CCNJL: variants seen among roughly 807,000 people sequenced by gnomAD.
The protein encoded by CCNJL is cyclin-J-like protein.
CCNJL carries 33 observed loss-of-function variants against 33.4 expected under a neutral mutation model. The ratio of observed to expected loss-of-function variants is 0.99; its 90% CI spans 0.75 to 1.32. The LOEUF is 1.32. CCNJL is among the 40% of genes most tolerant of loss of function. The probability of loss-of-function intolerance (pLI) is 0.00; values close to 1 mark genes in which losing one functional copy is unlikely to be tolerated. For missense variants in CCNJL, 512 were observed against 499.7 expected, an observed-to-expected ratio of 1.02 and a Z score of -0.23; for synonymous variants, 227 against 220.9, an observed-to-expected ratio of 1.03 and a Z score of -0.24.
rs926515183 is a variant in CCNJL at position 160,249,786 on chromosome 5, A to G, written c.*3592T>C. 6.7e-5 allele frequency: 9 copies of G among 134,586 alleles called. No homozygotes were observed. Among genetic ancestry groups the G allele is most frequent in the Non-Finnish European group, 1.2e-4 (7 of 56,620 alleles). The allele number at this position is 134,586 out of a possible 1,614,324, so 8.3% of individuals were successfully genotyped here. ...TCAAAAAATAAATAAATAAATAAAT[A>G]AATAAATAAATAAATAAATAAAATA... is the stretch of plus-strand genomic sequence containing the variant. On this transcript the variant is annotated 3_prime_UTR_variant, in exon 6 of 6. Coordinates refer to ENST00000257536, the MANE Select transcript of CCNJL (RefSeq NM_001308173.3).
intron 3 of CCNJL, among the ~76,000 whole-genome samples, chr5:160,273,029 T>C (rs1761892082): frequency 6.6e-6 from 1 of 152,226 alleles, no homozygotes; most frequent in Non-Finnish European, 1.5e-5. Context: ...CAAGCGCTGA[T>C]GGAAAAAGAG....
At chr5:160,301,527 G>C (rs1020163861) in intron 2 of CCNJL, among the ~76,000 whole-genome samples, 2 of 151,712 alleles carry the variant, frequency 1.3e-5, no homozygotes, top group African/African-American at 4.9e-5. Flanking sequence ...TCTGCCTCGC[G>C]GGTTCAAGCG....
chr5:160,272,276 C>T (rs1418326894), intron 3 of CCNJL, among the ~76,000 whole-genome samples: 2 of 152,168 alleles, frequency 1.3e-5, no homozygotes, highest in Non-Finnish European at 2.9e-5. Flanking sequence ...GTAATCAAAG[C>T]AGGGGTGAGT....
chr5:160,282,984 TATATATATATATATATATATATATAC>T (rs1425153567), intron 2 of CCNJL, among the ~76,000 whole-genome samples: 2,162 of 58,036 alleles, frequency 0.037, 74 homozygotes, highest in East Asian at 0.16. Context: ...TATATATATA[TATATATATATATATATATATATATAC>T]ATATATATAT....
chr5:160,319,913 C>T (rs1241613922), intron 1 of CCNJL, among the ~76,000 whole-genome samples: 1 of 151,756 alleles, frequency 6.6e-6, no homozygotes, highest in Non-Finnish European at 1.5e-5. Context: ...GAGCAAGACC[C>T]TGTCTCAATA....
intron 5 of CCNJL, chr5:160,254,110 G>C (rs1394595994): frequency 2.2e-6 from 1 of 462,932 alleles, no homozygotes; most frequent in Non-Finnish European, 3.8e-6. Flanking sequence ...ACCTGCTCCA[G>C]AGGGTAACTT....
intron 2 of CCNJL, among the ~76,000 whole-genome samples, chr5:160,284,943 G>A (rs1443764534): frequency 1.3e-5 from 2 of 151,088 alleles, no homozygotes; most frequent in African/African-American, 4.9e-5. Flanking sequence ...CATGGAGCTC[G>A]GCTGGGCACG....
chr5:160,298,892 C>A (rs1312264685), intron 2 of CCNJL, among the ~76,000 whole-genome samples: 1 of 152,030 alleles, frequency 6.6e-6, no homozygotes, highest in Non-Finnish European at 1.5e-5. Flanking sequence ...CTCTGAAAAT[C>A]AATGGCATGA....
intron 1 of CCNJL, among the ~76,000 whole-genome samples, chr5:160,323,286 T>G (rs1323956730): frequency 6.6e-6 from 1 of 151,390 alleles, no homozygotes; most frequent in Non-Finnish European, 1.5e-5. Flanking sequence ...TTAGAAGCAG[T>G]GTCTCACTAT....
intron 2 of CCNJL, among the ~76,000 whole-genome samples, chr5:160,308,911 A>G (rs987905731): frequency 5.9e-5 from 9 of 152,248 alleles, no homozygotes; most frequent in African/African-American, 2.2e-4. Context: ...TGAGAAACAC[A>G]GAATCCAAAT....
chr5:160,328,519 G>C (rs2113479535), intron 1 of CCNJL, among the ~76,000 whole-genome samples: 1 of 152,024 alleles, frequency 6.6e-6, no homozygotes, highest in African/African-American at 2.4e-5. Context: ...CACTTTGGGA[G>C]GTCAAGGCAG....
upstream of CCNJL, among the ~76,000 whole-genome samples, chr5:160,316,639 G>C (rs936388843): frequency 2.0e-5 from 3 of 152,050 alleles, no homozygotes; most frequent in Non-Finnish European, 4.4e-5. Flanking sequence ...TGTTTCCTTC[G>C]GAAGTGATTT....
At chr5:160,316,441 T>C (rs1000685634), upstream of CCNJL, among the ~76,000 whole-genome samples, 1 of 152,190 alleles carries the variant, frequency 6.6e-6, no homozygotes, top group Non-Finnish European at 1.5e-5. Context: ...AAATCTGCCC[T>C]TTTCAATCTT....
chr5:160,258,157 C>T (rs977404727), intron 4 of CCNJL: 9 of 415,736 alleles, frequency 2.2e-5, no homozygotes, highest in Non-Finnish European at 4.0e-5. Flanking sequence ...AATCATTGAT[C>T]TGGATACTCA....
chr5:160,328,880 A>C (rs936621281), intron 1 of CCNJL, among the ~76,000 whole-genome samples: 18 of 121,326 alleles, frequency 1.5e-4, no homozygotes, highest in Non-Finnish European at 1.2e-4. Context: ...ACTCTGTCTC[A>C]AAAAAAAAAA....
intron 2 of CCNJL, among the ~76,000 whole-genome samples, chr5:160,297,461 G>A (rs538861489): frequency 2.3e-4 from 35 of 152,272 alleles, no homozygotes; most frequent in African/African-American, 8.4e-4. Context: ...GTCCTGGGAA[G>A]ATAGATGTCC....
chr5:160,302,965 G>GT (rs1271937817), intron 2 of CCNJL, among the ~76,000 whole-genome samples: 1 of 152,138 alleles, frequency 6.6e-6, no homozygotes, highest in Non-Finnish European at 1.5e-5. Flanking sequence ...GGGGTCAGTG[G>GT]TATCTTCTGC....
chr5:160,332,231 G>T (rs894185067), intron 1 of CCNJL, among the ~76,000 whole-genome samples: 1 of 152,044 alleles, frequency 6.6e-6, no homozygotes, highest in African/African-American at 2.4e-5. Flanking sequence ...ACCCACACAT[G>T]CTGCCTGCTT....
intron 1 of CCNJL, among the ~76,000 whole-genome samples, chr5:160,320,788 CCTTTCTTTCTTTCTTTCTTT>C (rs70990723): frequency 0.013 from 1,560 of 116,304 alleles, 17 homozygotes; most frequent in East Asian, 0.034. Context: ...TTCTTTCTTT[CCTTTCTTTCTTTCTTTCTTT>C]CTTTCTTTCT....
Sources: allele counts gnomAD v4.1 joint callset (sites outside exome capture counted in the v4.1 genomes callset), GRCh38; gene constraint gnomAD v4.1.1; transcripts MANE v1.5; gene names NCBI Gene and HGNC (gene_info 2026-07-23, HGNC 2026-07-21).